Variants in WASL observed in about 807,000 individuals in gnomAD.
WASL encodes the protein actin nucleation-promoting factor WASL.
WASL carries 20 observed loss-of-function variants against 55.5 expected under a neutral mutation model. That is an observed-to-expected ratio of 0.36 (90% confidence interval 0.25 to 0.52). The LOEUF is 0.52. Among genes scored for constraint, WASL ranks in the 20% least tolerant of loss-of-function variants. The pLI is 0.92. For missense variants in WASL, 504 were observed against 622.5 expected (o/e 0.81, Z 2.03); for synonymous variants, 249 against 217.6 (o/e 1.14, Z -1.27).
In WASL at chr7:123,697,406, A is replaced by G. The variant is rs542751416; in HGVS notation, c.461-659T>C. 4.6e-5 allele frequency among the ~76,000 whole-genome samples: 7 copies of G among 152,356 alleles called. No homozygotes were observed. In the Middle Eastern group the frequency reaches 0.01, roughly 222 times the overall value. On this transcript the variant is annotated intron_variant, in intron 5 of 10. Transcript: ENST00000223023. ...AAAGGCATCTTTCCATATTATTAAT[A>G]GTATCTTCAGAAGTGGTACTAAATG...
chr7:123,696,748 C>T lies in WASL; in HGVS notation c.461-1G>A. Reference sequence around the variant, plus strand: ...ACTGTAGCCATGGGTAGATTAGGACCTGCAAATAAAACCAAATTATATAAA... The same window carrying T: ...ACTGTAGCCATGGGTAGATTAGGACTTGCAAATAAAACCAAATTATATAAA... On this transcript the variant is annotated splice_acceptor_variant, in intron 5 of 10. Transcript: ENST00000223023. LOFTEE classifies it high-confidence loss of function. 1 of 1,528,260 alleles carries T rather than the reference C, an allele frequency of 6.5e-7. No individual in the cohort carries two copies. Among genetic ancestry groups the T allele is most frequent in the Non-Finnish European group, 8.8e-7 (1 of 1,140,720 alleles). The allele number at this position is 1,528,260 out of a possible 1,614,324, so 94.7% of individuals were successfully genotyped here.
At chr7:123,731,621 A>G (rs1024157407) in intron 1 of WASL, among the ~76,000 whole-genome samples, 1 of 152,250 alleles carries the variant, frequency 6.6e-6, no homozygotes, top group Non-Finnish European at 1.5e-5. Flanking sequence ...TCAGACCATA[A>G]TGGAATGAAA....
At chr7:123,748,051 G>T (rs1161992001) in intron 1 of WASL, among the ~76,000 whole-genome samples, 1 of 151,954 alleles carries the variant, frequency 6.6e-6, no homozygotes, top group Admixed American at 6.5e-5. Context: ...AATAAATCTT[G>T]TTTCTCTTTA....
At position 123,692,855 on chromosome 7, in the gene WASL, G is replaced by A. The variant is rs751518942; in HGVS notation, c.839C>T (p.Pro280Leu). The change falls in exon 9 of 11, where the codon CCA (proline) becomes CTA (leucine). Residue 280 changes from proline (P) to leucine (L), a missense_variant. Physicochemically the swap from Pro to Leu is moderately conservative, Grantham distance 98. This residue lies in a region of WASL where 201 missense variants were observed against 206.2 expected (regional missense o/e 0.97). Coordinates refer to ENST00000223023, the MANE Select transcript of WASL (RefSeq NM_003941.4). The stretch of plus-strand genomic sequence containing the variant: ...AGGTGGCCCTCCCCTTGATGGTGGT[G>A]GAGGTGGTGGTGCTGAAATGCAAAC... ...NELRRQAPPP[P>L]PPSRGGPPPP... 1.8e-5 allele frequency: 24 copies of A among 1,365,736 alleles called. No individual in the cohort carries two copies. The highest frequency in any genetic ancestry group is 2.3e-5 in the Non-Finnish European group (24 of 1,055,130). The allele number at this position is 1,365,736 out of a possible 1,614,324, so 84.6% of individuals were successfully genotyped here. A position where few individuals can be genotyped will look rare whatever the true frequency, so the allele number is the denominator to read the frequency against.
At chr7:123,715,327 A>C (rs974797453) in intron 1 of WASL, among the ~76,000 whole-genome samples, 5 of 152,174 alleles carry the variant, frequency 3.3e-5, no homozygotes, top group Non-Finnish European at 7.4e-5. Flanking sequence ...CATAGAGAGC[A>C]AGGCCCTAGT....
intron 5 of WASL, among the ~76,000 whole-genome samples, chr7:123,699,672 G>C (rs1414593094): frequency 6.6e-6 from 1 of 152,114 alleles, no homozygotes; most frequent in African/African-American, 2.4e-5. Flanking sequence ...ACTCACTAGA[G>C]AAAGTAATTC....
At chr7:123,704,567 C>T in intron 5 of WASL, 67 bp downstream of exon 5, 1 of 1,266,678 alleles carries the variant, frequency 7.9e-7, no homozygotes, top group Non-Finnish European at 1.1e-6. Context: ...ATGTATGGTA[C>T]ATGTTTCCAC....
chr7:123,705,975 C>A (rs1803663482), intron 4 of WASL, among the ~76,000 whole-genome samples: 1 of 151,754 alleles, frequency 6.6e-6, no homozygotes, highest in Non-Finnish European at 1.5e-5. Context: ...TTGTATTGGG[C>A]CCTTCGGTAA....
intron 1 of WASL, among the ~76,000 whole-genome samples, chr7:123,725,477 A>G (rs1448216852): frequency 6.6e-6 from 1 of 152,100 alleles, no homozygotes; most frequent in Non-Finnish European, 1.5e-5. Context: ...TCTGAAACCT[A>G]TTTCTATTTT....
Position 123,692,332 on chromosome 7 carries a change from A to G in WASL, c.1347+15T>C, listed in dbSNP as rs1803422947. On this transcript the variant is annotated intron_variant, in intron 9 of 10. Coordinates refer to ENST00000223023, the MANE Select transcript of WASL (RefSeq NM_003941.4). ...GATAAAGGATCTAAAATGAAAAAAA[A>G]AAAAGCTTACTTACAGATTTTAGTT... 13 of 1,585,542 alleles carry G rather than the reference A, an allele frequency of 8.2e-6. No individual in the cohort carries two copies. The highest frequency in any genetic ancestry group is 1.1e-5 in the Non-Finnish European group (13 of 1,173,660).
At chr7:123,690,363 A>C (rs1034713659) in intron 9 of WASL, among the ~76,000 whole-genome samples, 1 of 152,222 alleles carries the variant, frequency 6.6e-6, no homozygotes, top group African/African-American at 2.4e-5. Context: ...CTATGGTTTT[A>C]TGTTAATCAT....
intron 1 of WASL, among the ~76,000 whole-genome samples, chr7:123,748,219 T>C (rs971424228): frequency 2.8e-4 from 43 of 152,022 alleles, no homozygotes; most frequent in African/African-American, 9.9e-4. Context: ...TTAAGGAACG[T>C]ACCCCCAGAT....
chr7:123,713,216 A>G (rs1803786879), intron 1 of WASL, among the ~76,000 whole-genome samples: 1 of 152,136 alleles, frequency 6.6e-6, no homozygotes, highest in Non-Finnish European at 1.5e-5. Flanking sequence ...GGTGAGTGAG[A>G]TCGCTCACCA....
At chr7:123,719,677 A>G (rs1803904539) in intron 1 of WASL, among the ~76,000 whole-genome samples, 1 of 152,192 alleles carries the variant, frequency 6.6e-6, no homozygotes. Context: ...ACAGAGCACA[A>G]GCACCATTCT....
chr7:123,697,828 C>T (rs1056813968), intron 5 of WASL, among the ~76,000 whole-genome samples: 2 of 152,174 alleles, frequency 1.3e-5, no homozygotes, highest in African/African-American at 2.4e-5. Flanking sequence ...ACTGTTTGTG[C>T]TAACAATGCA....
chr7:123,702,639 A>G (rs1156531589), intron 5 of WASL, among the ~76,000 whole-genome samples: 1 of 152,218 alleles, frequency 6.6e-6, no homozygotes, highest in East Asian at 1.9e-4. Flanking sequence ...ACAATACAGT[A>G]TAACAACTAT....
rs1025498764 is a variant in WASL, at chr7:123,689,218, C to T, written c.1348-68G>A. Reference sequence around the variant, plus strand: ...CCAAGAATCTTTGTCTCCAGAAAGTCCTACTTTCTTAGAATCACTTCTTAT... The same window carrying T: ...CCAAGAATCTTTGTCTCCAGAAAGTTCTACTTTCTTAGAATCACTTCTTAT... On this transcript the variant is annotated intron_variant, in intron 9 of 10. Transcript: ENST00000223023. The T allele has an allele frequency of 1.1e-5, 14 of 1,310,020 alleles. No homozygotes were observed. The Admixed American group carries it at 1.8e-4, about 17-fold the overall frequency. The allele number at this position is 1,310,020 out of a possible 1,614,324, so 81.1% of individuals were successfully genotyped here. A position where few individuals can be genotyped will look rare whatever the true frequency, so the allele number is the denominator to read the frequency against.
At chr7:123,724,835 A>C (rs1221747479) in intron 1 of WASL, among the ~76,000 whole-genome samples, 1 of 152,154 alleles carries the variant, frequency 6.6e-6, no homozygotes. Context: ...GACATGGTGA[A>C]AAACCTCAGT....
intron 1 of WASL, among the ~76,000 whole-genome samples, chr7:123,745,923 C>G (rs1804423403): frequency 6.6e-6 from 1 of 152,164 alleles, no homozygotes; most frequent in Admixed American, 6.5e-5. Context: ...TAATCATCCT[C>G]TCTCCCACCA....
Sources: allele counts gnomAD v4.1 joint callset (sites outside exome capture counted in the v4.1 genomes callset), GRCh38; gene constraint gnomAD v4.1.1; regional missense constraint gnomAD v4.1.1; transcripts MANE v1.5; gene names NCBI Gene and HGNC (gene_info 2026-07-23, HGNC 2026-07-21).